The following TMEM255A variants were observed in gnomAD, a reference collection of about 807,000 sequenced individuals.
TMEM255A encodes family with sequence similarity 70, member A.
Under a neutral mutation model 23.5 loss-of-function variants are expected in TMEM255A, and 14 were observed. The observed-to-expected ratio is 0.60, with a 90% CI of 0.39 to 0.93. TMEM255A has a LOEUF of 0.93. Among genes scored for constraint, TMEM255A ranks in the 40% least tolerant of loss-of-function variants. The pLI is 0.00. For synonymous variants in TMEM255A, 104 were observed against 100.3 expected, an observed-to-expected ratio of 1.04 and a Z score of -0.22; for missense variants, 233 against 261.7, an observed-to-expected ratio of 0.89 and a Z score of 0.76.
chrX:120,259,993 G>C lies in TMEM255A; in HGVS notation c.*877C>G. 1 of 301,202 alleles carries C rather than the reference G, an allele frequency of 3.3e-6. No individual in the cohort carries two copies. The highest frequency in any genetic ancestry group is 4.4e-6 in the Non-Finnish European group (1 of 225,425). The allele number at this position is 301,202 out of a possible 1,213,427, so 24.8% of individuals were successfully genotyped here. On this transcript the variant is annotated 3_prime_UTR_variant, in exon 9 of 9. Coordinates refer to ENST00000371369, the MANE Select transcript of TMEM255A (RefSeq NM_001104544.3). ...AAGCACAATATTTGAAGATTAAATA[G>C]TCACAAAGATTAGTAACAATTCATA...
At chrX:120,289,535 T>C (rs1359635082) in intron 4 of TMEM255A, among the ~76,000 whole-genome samples, 3 of 111,778 alleles carry the variant, frequency 2.7e-5, no homozygotes, top group Non-Finnish European at 3.8e-5. Context: ...AGTTGATGAG[T>C]ATGTAGCAAA....
chrX:120,297,386 A>G (rs1289579664), intron 2 of TMEM255A, among the ~76,000 whole-genome samples: 10 of 104,307 alleles, frequency 9.6e-5, no homozygotes, highest in Admixed American at 3.4e-4. Flanking sequence ...AAGGTTTCAT[A>G]GAGGAGGAGA....
intron 1 of TMEM255A, among the ~76,000 whole-genome samples, chrX:120,307,147 G>A (rs1238766100): frequency 1.8e-5 from 2 of 111,936 alleles, no homozygotes; most frequent in Non-Finnish European, 3.8e-5. Flanking sequence ...CCCCTCCCAG[G>A]GTGACTCGTT....
At chrX:120,275,699 A>C (rs1235581851) in intron 7 of TMEM255A, among the ~76,000 whole-genome samples, 11 of 100,446 alleles carry the variant, frequency 1.1e-4, no homozygotes, top group East Asian at 3.3e-4. Flanking sequence ...AAAAAAAAAA[A>C]ACCAAAAAAC....
intron 8 of TMEM255A, among the ~76,000 whole-genome samples, chrX:120,266,383 T>C (rs2057717925): frequency 9.1e-6 from 1 of 109,461 alleles, no homozygotes; most frequent in Non-Finnish European, 1.9e-5. Context: ...ATTTAATTTC[T>C]ATTTCCACAG....
At chrX:120,294,872 A>T (rs1412109360) in intron 2 of TMEM255A, among the ~76,000 whole-genome samples, 1 of 112,081 alleles carries the variant, frequency 8.9e-6, no homozygotes, top group Admixed American at 9.5e-5. Flanking sequence ...AATTTTTTTA[A>T]AAATCTTTTT....
chrX:120,310,729 G>GT (rs1286233968), intron 1 of TMEM255A, among the ~76,000 whole-genome samples: 1 of 16,630 alleles, frequency 6.0e-5, no homozygotes, highest in African/African-American at 2.2e-4. Context: ...TGCGCAACCC[G>GT]CCCCCCCCCC....
intron 2 of TMEM255A, among the ~76,000 whole-genome samples, chrX:120,296,769 A>AT (rs1320483397): frequency 2.2e-4 from 3 of 13,529 alleles, no homozygotes; most frequent in Admixed American, 2.2e-3. Flanking sequence ...TATATATATT[A>AT]AATATATTAT....
In TMEM255A at chrX:120,285,162, G is replaced by A. The variant is rs782636460; in HGVS notation, c.477C>T (p.Asn159=). 1.2e-5 allele frequency: 15 copies of A among 1,209,876 alleles called. No homozygotes were observed. Among genetic ancestry groups the A allele is most frequent in the African/African-American group, 5.2e-5 (3 of 57,191 alleles). ...REFCTPRIRG[N]TCFCCDLYNC... is the part of the protein sequence containing the mutation. The stretch of plus-strand genomic sequence containing the variant: ...TGTAGAGGTCACAGCAGAAGCAGGT[G>A]TTGCCCCGGATGCGAGGTGTGCAGA... The change falls in exon 6 of 9, where the codon AAC becomes AAT. Residue 159 remains asparagine (N), a synonymous_variant. Coordinates refer to ENST00000371369, the MANE Select transcript of TMEM255A (RefSeq NM_001104544.3).
chrX:120,268,006 T>C (rs45473600), intron 8 of TMEM255A, among the ~76,000 whole-genome samples: 7,153 of 111,037 alleles, frequency 0.064, 325 homozygotes, highest in African/African-American at 0.16. Context: ...TCTCCCTTTT[T>C]CTTCCATCTC....
chrX:120,281,957 T>G (rs184918857), intron 6 of TMEM255A, among the ~76,000 whole-genome samples: 170 of 112,250 alleles, frequency 1.5e-3, no homozygotes, highest in Non-Finnish European at 2.7e-3. Context: ...GAGGGGACAG[T>G]AGAGACTCTG....
downstream of TMEM255A, chrX:120,257,758 A>G (rs1168437808): frequency 6.5e-5 from 8 of 123,256 alleles, no homozygotes; most frequent in South Asian, 1.1e-3. Context: ...CTTTGGGGCA[A>G]AAGTCCTTCA....
At chrX:120,263,561 T>G (rs1400862470) in intron 8 of TMEM255A, among the ~76,000 whole-genome samples, 1 of 111,507 alleles carries the variant, frequency 9.0e-6, no homozygotes, top group Non-Finnish European at 1.9e-5. Flanking sequence ...CCAGGAGCCT[T>G]GTGGGACAGT....
At chrX:120,286,945 C>T (rs1405873315) in intron 5 of TMEM255A, among the ~76,000 whole-genome samples, 3 of 111,606 alleles carry the variant, frequency 2.7e-5, no homozygotes, top group South Asian at 7.6e-4. Context: ...CCTGTGGCCA[C>T]AGAACAAAGT....
chrX:120,290,950 C>T (rs945825795), intron 4 of TMEM255A, among the ~76,000 whole-genome samples: 2 of 111,589 alleles, frequency 1.8e-5, no homozygotes, highest in South Asian at 3.8e-4. Flanking sequence ...ATCTTACCCA[C>T]GTGTCAAAGG....
chrX:120,282,269 G>A (rs1451323616), intron 6 of TMEM255A, among the ~76,000 whole-genome samples: 1 of 111,469 alleles, frequency 9.0e-6, no homozygotes, highest in Non-Finnish European at 1.9e-5. Flanking sequence ...CTGGGTTTAT[G>A]GCCTGGTGGG....
At chrX:120,290,333 A>C (rs1280504990) in intron 4 of TMEM255A, among the ~76,000 whole-genome samples, 1 of 111,955 alleles carries the variant, frequency 8.9e-6, no homozygotes, top group East Asian at 2.8e-4. Context: ...ACTGCCTCAG[A>C]GTGAATACTG....
At chrX:120,304,641 G>T (rs1603404295) in intron 1 of TMEM255A, 150 bp from the exon 2 acceptor site, 1 of 505,021 alleles carries the variant, frequency 2.0e-6, no homozygotes, top group African/African-American at 2.4e-5. Context: ...TGTGGGGAAG[G>T]GATAGAGCAT....
intron 1 of TMEM255A, chrX:120,310,081 G>C (rs782176899): frequency 9.0e-6 from 1 of 111,015 alleles, no homozygotes; most frequent in Non-Finnish European, 1.9e-5. Flanking sequence ...CACTCGAGAT[G>C]TTCCCGCAAA....
Sources: gnomAD v4.1 joint callset for allele counts (sites outside exome capture counted in the v4.1 genomes callset) on GRCh38, gnomAD v4.1.1 for gene constraint, MANE v1.5 for transcripts, NCBI Gene and HGNC (gene_info 2026-07-23, HGNC 2026-07-21) for gene names.